USP33: variants seen among roughly 807,000 people sequenced by gnomAD.
USP33 encodes the protein ubiquitin specific peptidase 33, also known as ubiquitin carboxyl-terminal hydrolase 33.
A neutral mutation model predicts 124.2 loss-of-function variants in USP33; 46 were observed. The ratio of observed to expected loss-of-function variants is 0.37; its 90% CI spans 0.29 to 0.47. The LOEUF is 0.47. USP33 is among the 20% of genes least tolerant of loss of function. USP33 has a pLI of 0.99. For synonymous variants in USP33, 350 were observed against 352.3 expected (o/e 0.99, Z 0.07); for missense variants, 851 against 1,070.6 (o/e 0.79, Z 2.86).
chr1:77,716,156 T>A (rs1675869228), intron 17 of USP33, among the ~76,000 whole-genome samples: 1 of 152,200 alleles, frequency 6.6e-6, no homozygotes, highest in African/African-American at 2.4e-5. Flanking sequence ...ATTTCTGGGC[T>A]CAAGCTATCC....
chr1:77,757,267 A>G (rs1274196553), intron 1 of USP33, among the ~76,000 whole-genome samples: 2 of 152,232 alleles, frequency 1.3e-5, no homozygotes, highest in Non-Finnish European at 2.9e-5. Context: ...CTTGACTACA[A>G]GTTCTTTGAA....
At chr1:77,750,502 G>C (rs982329282) in intron 1 of USP33, among the ~76,000 whole-genome samples, 3 of 151,114 alleles carry the variant, frequency 2.0e-5, no homozygotes, top group African/African-American at 7.3e-5. Context: ...CAGCGTGGTG[G>C]TGCACACCTG....
intron 1 of USP33, among the ~76,000 whole-genome samples, chr1:77,746,885 T>C (rs1679795895): frequency 6.6e-6 from 1 of 152,222 alleles, no homozygotes; most frequent in Non-Finnish European, 1.5e-5. Context: ...TATCTCAAAA[T>C]AATAAGAGCT....
chr1:77,713,447 G>T, intron 19 of USP33, 166 bp from the exon 20 acceptor site: 1 of 551,102 alleles, frequency 1.8e-6, no homozygotes. Flanking sequence ...GCAGTGGCAT[G>T]ATCATGGCTC....
intron 11 of USP33, among the ~76,000 whole-genome samples, chr1:77,723,833 T>G (rs1676856295): frequency 6.6e-6 from 1 of 152,032 alleles, no homozygotes; most frequent in Non-Finnish European, 1.5e-5. Context: ...CCCAGCTATT[T>G]TTTTGTATTT....
At chr1:77,719,751 G>GC (rs1262243373) in intron 15 of USP33, among the ~76,000 whole-genome samples, 1 of 151,552 alleles carries the variant, frequency 6.6e-6, no homozygotes, top group East Asian at 1.9e-4. Context: ...TACTCAAGAG[G>GC]CTGAGGCAGG....
At position 77,759,606 on chromosome 1, in the gene USP33, T is replaced by C. The variant is rs1399212254; in HGVS notation, c.-52+37A>G. On this transcript the variant is annotated intron_variant, in intron 1 of 23. Coordinates refer to ENST00000370794, the MANE Select transcript of USP33 (RefSeq NM_201624.3). ...GACCCCGGACGCGAGCGAAACGCCC[T>C]TGGGCCCCGCGCCCCTCCCAGCAGC... 1.5e-5 allele frequency: 6 copies of C among 398,298 alleles called. No homozygotes were observed. In the East Asian group the frequency reaches 2.1e-4, roughly 14 times the overall value. The allele number at this position is 398,298 out of a possible 1,614,324, so 24.7% of individuals were successfully genotyped here.
At chr1:77,703,579 G>A (rs1232968790) in intron 21 of USP33, among the ~76,000 whole-genome samples, 3 of 152,114 alleles carry the variant, frequency 2.0e-5, no homozygotes, top group African/African-American at 4.8e-5. Context: ...GGCCGATATC[G>A]TGCCACTGCA....
At chr1:77,753,580 G>A (rs1029072255) in intron 1 of USP33, among the ~76,000 whole-genome samples, 6 of 152,018 alleles carry the variant, frequency 3.9e-5, no homozygotes, top group African/African-American at 1.4e-4. Context: ...GAATAAGAGT[G>A]CCTCTCATAG....
At chr1:77,715,083 T>C (rs1473724219) in intron 18 of USP33, among the ~76,000 whole-genome samples, 1 of 152,206 alleles carries the variant, frequency 6.6e-6, no homozygotes, top group Non-Finnish European at 1.5e-5. Flanking sequence ...AGCATCTTCT[T>C]TTATAAGATG....
Position 77,721,071 on chromosome 1 carries a change from A to G in USP33, c.1691+101T>C, listed in dbSNP as rs1031294854. On this transcript the variant is annotated intron_variant, in intron 15 of 23. Coordinates refer to ENST00000370794, the MANE Select transcript of USP33 (RefSeq NM_201624.3). ...ACTAGGATAAACCTTTCTGGCCTAC[A>G]TTTTTCTAAATACAGTGGCAAATTT... 1.3e-5 allele frequency: 17 copies of G among 1,327,302 alleles called. No individual in the cohort carries two copies. In the African/African-American group the frequency reaches 2.2e-4, roughly 17 times the overall value. 82.2% of individuals were successfully genotyped at this position (1,327,302 alleles called of 1,614,324 possible). A position where few individuals can be genotyped will look rare whatever the true frequency, so the allele number is the denominator to read the frequency against.
intron 3 of USP33, 45 bp from the exon 4 acceptor site, chr1:77,740,984 T>C (rs752403815): frequency 6.4e-5 from 82 of 1,283,684 alleles, no homozygotes; most frequent in Non-Finnish European, 8.5e-5. Context: ...CTTTATAATA[T>C]ACATGTAAAT....
intron 1 of USP33, among the ~76,000 whole-genome samples, chr1:77,743,191 C>T (rs1296285418): frequency 2.6e-5 from 4 of 152,010 alleles, no homozygotes; most frequent in Non-Finnish European, 4.4e-5. Flanking sequence ...GTGATCCACC[C>T]GCCTCAGTCT....
intron 1 of USP33, among the ~76,000 whole-genome samples, chr1:77,756,326 T>A (rs1680800061): frequency 6.6e-6 from 1 of 152,178 alleles, no homozygotes; most frequent in Non-Finnish European, 1.5e-5. Context: ...TAGGTCTCTA[T>A]CTAAATTGAG....
chr1:77,715,093 G>A (rs2101306811), intron 18 of USP33, among the ~76,000 whole-genome samples: 1 of 151,964 alleles, frequency 6.6e-6, no homozygotes, highest in East Asian at 1.9e-4. Flanking sequence ...TTTATAAGAT[G>A]CTAAAAAAAA....
chr1:77,702,291 T>A (rs1006718211), intron 21 of USP33, among the ~76,000 whole-genome samples: 2 of 149,102 alleles, frequency 1.3e-5, no homozygotes, highest in African/African-American at 4.9e-5. Flanking sequence ...AAAAGGGGCA[T>A]AAAGACTGGG....
At chr1:77,704,188 A>G (rs936912966) in intron 21 of USP33, among the ~76,000 whole-genome samples, 5 of 152,144 alleles carry the variant, frequency 3.3e-5, no homozygotes, top group African/African-American at 1.2e-4. Flanking sequence ...TCTTTCTGGG[A>G]CACAAGGTAG....
intron 1 of USP33, among the ~76,000 whole-genome samples, chr1:77,749,792 T>C (rs1680117678): frequency 2.0e-5 from 3 of 152,214 alleles, no homozygotes; most frequent in African/African-American, 7.2e-5. Flanking sequence ...GCCAATGAAA[T>C]GTAGATGTTC....
intron 21 of USP33, 191 bp downstream of exon 21, chr1:77,711,555 AC>A: frequency 1.2e-6 from 1 of 869,024 alleles, no homozygotes; most frequent in Non-Finnish European, 1.6e-6. Context: ...ACACACACAC[AC>A]ACACAAAGGG....
Sources: gnomAD v4.1 joint callset for allele counts (sites outside exome capture counted in the v4.1 genomes callset) on GRCh38, gnomAD v4.1.1 for gene constraint, MANE v1.5 for transcripts, NCBI Gene and HGNC (gene_info 2026-07-23, HGNC 2026-07-21) for gene names.